The following PLD1 variants were observed in gnomAD, a reference collection of about 807,000 sequenced individuals.
PLD1 encodes the protein choline phosphatase 1.
A neutral mutation model predicts 137.1 loss-of-function variants in PLD1; 112 were observed. The observed-to-expected ratio is 0.82, with a 90% CI of 0.70 to 0.96. PLD1 has a LOEUF of 0.96. PLD1 is among the 40% of genes least tolerant of loss of function. PLD1 has a pLI of 0.00. For missense variants in PLD1, 1,321 were observed against 1,342.0 expected, an observed-to-expected ratio of 0.98 and a Z score of 0.24; for synonymous variants, 431 against 454.7, an observed-to-expected ratio of 0.95 and a Z score of 0.66.
chr3:171,656,156 T>TTTTTTTTTATTTATTTA (rs1553810398), intron 21 of PLD1, among the ~76,000 whole-genome samples: 1 of 145,360 alleles, frequency 6.9e-6, no homozygotes, highest in Non-Finnish European at 1.5e-5. Flanking sequence ...AATACTATAA[T>TTTTTTTTTATTTATTTA]TTTATTTATT....
chr3:171,722,705 C>G (rs532757797), intron 8 of PLD1, among the ~76,000 whole-genome samples: 2 of 152,262 alleles, frequency 1.3e-5, no homozygotes, highest in East Asian at 3.9e-4. Flanking sequence ...ATTCACATAT[C>G]ATAAAACGTA....
At chr3:171,720,355 GGAGCC>G (rs1199645713) in intron 8 of PLD1, among the ~76,000 whole-genome samples, 2 of 149,776 alleles carry the variant, frequency 1.3e-5, no homozygotes, top group East Asian at 3.9e-4. Flanking sequence ...CAACACTTTG[GGAGCC>G]GAGGCGGGCG....
At chr3:171,733,964 G>A (rs1482902879) in intron 5 of PLD1, among the ~76,000 whole-genome samples, 1 of 152,106 alleles carries the variant, frequency 6.6e-6, no homozygotes, top group Non-Finnish European at 1.5e-5. Flanking sequence ...AGAATGTACT[G>A]ATTTTAAATA....
intron 1 of PLD1, among the ~76,000 whole-genome samples, chr3:171,760,559 A>G (rs1174050766): frequency 6.6e-5 from 10 of 152,236 alleles, no homozygotes; most frequent in Admixed American, 6.5e-4. Flanking sequence ...ATGGAAAAGG[A>G]AGAAAGTGAG....
chr3:171,739,532 T>C (rs1719622898), intron 1 of PLD1, among the ~76,000 whole-genome samples: 2 of 152,204 alleles, frequency 1.3e-5, no homozygotes, highest in Admixed American at 1.3e-4. Context: ...GGACTATCTC[T>C]TCCCTTCAAC....
chr3:171,693,763 C>T (rs1476794224), intron 12 of PLD1, among the ~76,000 whole-genome samples: 1 of 151,970 alleles, frequency 6.6e-6, no homozygotes, highest in African/African-American at 2.4e-5. Flanking sequence ...ATTACAGATG[C>T]AGGTGTATTT....
chr3:171,737,722 C>T (rs1203117778), intron 2 of PLD1, 63 bp from the exon 3 acceptor site: 4 of 1,345,424 alleles, frequency 3.0e-6, no homozygotes, highest in East Asian at 2.3e-5. Flanking sequence ...CTTTTACAGG[C>T]ATTCTTTTAA....
At chr3:171,663,865 T>C (rs992781642) in intron 19 of PLD1, among the ~76,000 whole-genome samples, 37 of 152,306 alleles carry the variant, frequency 2.4e-4, no homozygotes, top group Non-Finnish European at 4.7e-4. Flanking sequence ...ATTAGGAATA[T>C]ACAAAGCGAT....
At chr3:171,747,686 A>G (rs907343404) in intron 1 of PLD1, among the ~76,000 whole-genome samples, 1 of 152,224 alleles carries the variant, frequency 6.6e-6, no homozygotes, top group African/African-American at 2.4e-5. Flanking sequence ...GCAGACTTGC[A>G]TCATGTTTAC....
chr3:171,730,257 T>A (rs1718830329), intron 6 of PLD1, among the ~76,000 whole-genome samples: 1 of 152,120 alleles, frequency 6.6e-6, no homozygotes, highest in African/African-American at 2.4e-5. Flanking sequence ...GATATTGCTA[T>A]TTTTTTACAT....
At chr3:171,626,504 C>A (rs971114203) in intron 23 of PLD1, among the ~76,000 whole-genome samples, 68 of 152,224 alleles carry the variant, frequency 4.5e-4, no homozygotes, top group Middle Eastern at 3.4e-3. Context: ...ACAGAGAACG[C>A]CACAAAGATA....
In PLD1 at chr3:171,735,514, G is replaced by T. The variant is rs371793757; in HGVS notation, c.412C>A (p.Arg138Ser). The T allele has an allele frequency of 1.2e-5, 19 of 1,613,198 alleles. No individual in the cohort carries two copies. Among genetic ancestry groups the T allele is most frequent in the Non-Finnish European group, 1.5e-5 (18 of 1,179,338 alleles). The stretch of plus-strand genomic sequence containing the variant: ...TACCTTCTAGTGGGAATGGGGATGC[G>T]GATAAAGGCTTTGTACTTGAGCAGC... Reference protein sequence around the residue: ...RELLKYKAFIRIPIPTRRHTF... With the variant: ...RELLKYKAFISIPIPTRRHTF... Residue 138 changes from arginine to serine, a missense_variant, in exon 4 of 27, where the codon CGC becomes AGC. Physicochemically the swap from Arg to Ser is moderately radical, Grantham distance 110 (BLOSUM62 -1). Transcript: ENST00000351298.
intron 1 of PLD1, chr3:171,792,692 C>A: frequency 2.2e-6 from 1 of 456,676 alleles, no homozygotes; most frequent in Non-Finnish European, 4.4e-6. Context: ...AATTTAGGCT[C>A]CTGGTGACAA....
chr3:171,805,309 C>T (rs4128634), intron 1 of PLD1, among the ~76,000 whole-genome samples: 19,192 of 152,080 alleles, frequency 0.13, 1,293 homozygotes, highest in Middle Eastern at 0.21. Flanking sequence ...TTAGGAGCAA[C>T]GGGGGAAGCA....
intron 21 of PLD1, among the ~76,000 whole-genome samples, chr3:171,645,958 A>G (rs1435397895): frequency 6.6e-6 from 1 of 152,092 alleles, no homozygotes; most frequent in Non-Finnish European, 1.5e-5. Flanking sequence ...ATACAACACA[A>G]TATTTCATGT....
At chr3:171,706,239 C>G (rs894800154) in intron 11 of PLD1, among the ~76,000 whole-genome samples, 1 of 151,102 alleles carries the variant, frequency 6.6e-6, no homozygotes, top group East Asian at 1.9e-4. Flanking sequence ...CTTTCTTTTC[C>G]CTTCCCTTTC....
At chr3:171,806,371 G>A (rs1168891491) in intron 1 of PLD1, among the ~76,000 whole-genome samples, 1 of 152,202 alleles carries the variant, frequency 6.6e-6, no homozygotes, top group African/African-American at 2.4e-5. Flanking sequence ...CTAACACACT[G>A]GAATGTGTTC....
chr3:171,739,377 A>AG (rs1444449730), intron 1 of PLD1, among the ~76,000 whole-genome samples: 2 of 152,200 alleles, frequency 1.3e-5, no homozygotes, highest in Admixed American at 6.5e-5. Flanking sequence ...ATGGGAGCGA[A>AG]GGAGGGAGGT....
chr3:171,666,377 A>G (rs142810407), intron 19 of PLD1: 2 of 152,396 alleles, frequency 1.3e-5, no homozygotes, highest in African/African-American at 4.8e-5. Flanking sequence ...TTATAAAACC[A>G]TCAGATCTCA....
Sources: gnomAD v4.1 joint callset for allele counts (sites outside exome capture counted in the v4.1 genomes callset) on GRCh38, gnomAD v4.1.1 for gene constraint, MANE v1.5 for transcripts, NCBI Gene and HGNC (gene_info 2026-07-23, HGNC 2026-07-21) for gene names.